The following GPR161 variants were observed in gnomAD, a reference collection of about 807,000 sequenced individuals.
GPR161 encodes the protein G protein-coupled receptor 161.
GPR161 carries 25 observed loss-of-function variants against 39.2 expected under a neutral mutation model. That is an observed-to-expected ratio of 0.64 (90% CI 0.47 to 0.89). The LOEUF is 0.89. Ranked by LOEUF, GPR161 falls within the 40% of genes least tolerant of loss-of-function variation. The pLI, the probability that GPR161 is intolerant of heterozygous loss-of-function variation, is 0.00. For synonymous variants in GPR161, 286 were observed against 276.6 expected, an observed-to-expected ratio of 1.03 and a Z score of -0.34; for missense variants, 547 against 677.8, an observed-to-expected ratio of 0.81 and a Z score of 2.14.
chr1:168,117,856 G>A (rs1189773997), intron 1 of GPR161, among the ~76,000 whole-genome samples: 3 of 152,104 alleles, frequency 2.0e-5, no homozygotes, highest in African/African-American at 7.2e-5. Flanking sequence ...CAGCTGTGCC[G>A]CACTCTCCCA....
intron 1 of GPR161, among the ~76,000 whole-genome samples, chr1:168,124,719 G>C (rs896692341): frequency 6.6e-5 from 10 of 152,212 alleles, no homozygotes; most frequent in African/African-American, 2.4e-4. Context: ...GTTGAAATGT[G>C]ATCTCCAGTG....
intron 3 of GPR161, among the ~76,000 whole-genome samples, chr1:168,096,133 CAAAAAAA>C (rs58096092): frequency 2.9e-4 from 13 of 44,776 alleles, no homozygotes; most frequent in South Asian, 1.5e-3. Context: ...GACCCTGTCT[CAAAAAAA>C]AAAAAAAAAA....
upstream of GPR161, chr1:168,137,232 C>G: frequency 6.8e-7 from 1 of 1,472,552 alleles, no homozygotes; most frequent in Non-Finnish European, 9.0e-7. Flanking sequence ...TCCCTGTTCC[C>G]GTTCCTCCGC....
chr1:168,120,862 C>T (rs753865985), intron 1 of GPR161, among the ~76,000 whole-genome samples: 3 of 152,086 alleles, frequency 2.0e-5, no homozygotes, highest in African/African-American at 4.8e-5. Context: ...AGGACTCCCC[C>T]GCATGCAGAA....
chr1:168,134,891 A>C, intron 1 of GPR161: 1 of 1,534,722 alleles, frequency 6.5e-7, no homozygotes, highest in Non-Finnish European at 8.7e-7. Context: ...TGGAGTTTAC[A>C]CCACAGAACT....
intron 1 of GPR161, among the ~76,000 whole-genome samples, chr1:168,129,256 AG>A (rs766422696): frequency 1.0e-3 from 158 of 152,380 alleles, no homozygotes; most frequent in Non-Finnish European, 1.2e-3. Flanking sequence ...AGGCCAGAGA[AG>A]AGCCCTTGCA....
At chr1:168,101,879 T>TCC (rs747929508) in intron 2 of GPR161, among the ~76,000 whole-genome samples, 2 of 151,438 alleles carry the variant, frequency 1.3e-5, no homozygotes, top group East Asian at 3.9e-4. Flanking sequence ...TGATCTCGGC[T>TCC]CACTGCAACC....
Position 168,132,222 on chromosome 1 carries a change from G to T in GPR161, c.-45+4517C>A, listed in dbSNP as rs1335829552. Among the ~76,000 whole-genome samples, 13 of 152,112 alleles carry T rather than the reference G, an allele frequency of 8.5e-5. No individual in the cohort carries two copies. In the East Asian group the frequency reaches 2.5e-3, roughly 29 times the overall value. ...GGATGTTGCAGTGAGCCGAGATCAT[G>T]CCACTGCACTCCAGCCTGGGCGACA... On this transcript the variant is annotated intron_variant, in intron 1 of 5. Coordinates refer to ENST00000682931, the MANE Select transcript of GPR161 (RefSeq NM_001375883.1).
intron 3 of GPR161, 31 bp downstream of exon 3, chr1:168,096,477 G>A (rs374981198): frequency 4.6e-5 from 73 of 1,594,950 alleles, no homozygotes; most frequent in East Asian, 1.8e-4. Flanking sequence ...CATCTGCCTC[G>A]GAGGGGCTAT....
rs752046873 is a variant in GPR161 at position 168,104,482 on chromosome 1, G to C, written c.369C>G (p.Ile123Met). The C allele has an allele frequency of 1.9e-6, 3 of 1,611,510 alleles. No homozygotes were observed. Among genetic ancestry groups the C allele is most frequent in the African/African-American group, 2.7e-5 (2 of 74,844 alleles). The change falls in exon 2 of 6, where the codon ATC becomes ATG. Residue 123 changes from isoleucine (I) to methionine (M), a missense_variant. Transcript: ENST00000682931. ...TAAGTCTGAGGCATGCTTACCGGTCGATGGCAATGACCCCGAGGGTTAGCA... is the reference window on the plus strand; with the variant it reads ...TAAGTCTGAGGCATGCTTACCGGTCCATGGCAATGACCCCGAGGGTTAGCA... ...ASMLTLGVIA[I>M]DRYYAVLYPM...
intron 4 of GPR161, 65 bp from the exon 5 acceptor site, chr1:168,087,769 C>G: frequency 6.7e-7 from 1 of 1,489,950 alleles, no homozygotes; most frequent in Non-Finnish European, 9.1e-7. Context: ...CTCTTCTCCC[C>G]TCTCAACACC....
Position 168,085,656 on chromosome 1 carries a change from C to A in GPR161, c.1465G>T (p.Val489Phe). The A allele has an allele frequency of 1.9e-6, 3 of 1,614,226 alleles. No homozygotes were observed. The highest frequency in any genetic ancestry group is 2.5e-6 in the Non-Finnish European group (3 of 1,180,046). The change falls in exon 6 of 6, where the codon GTT becomes TTT. Residue 489 changes from valine to phenylalanine, a missense_variant. Val to Phe is a conservative substitution (Grantham distance 50). Coordinates refer to ENST00000682931, the MANE Select transcript of GPR161 (RefSeq NM_001375883.1). The stretch of plus-strand genomic sequence containing the variant: ...CCCCCCGGGACAGTCCGTGCTGTAA[C>A]CAAGACCCCTGGCAAAGCCTCCTCC... ...FGEEALPGVL[V>F]TARTVPGGGF...
chr1:168,092,863 A>G (rs1158299842), intron 3 of GPR161, among the ~76,000 whole-genome samples: 2 of 152,090 alleles, frequency 1.3e-5, no homozygotes, highest in African/African-American at 4.8e-5. Flanking sequence ...TTCGCAGGAG[A>G]TAACGGGAAA....
intron 3 of GPR161, among the ~76,000 whole-genome samples, chr1:168,093,347 T>C (rs758626815): frequency 4.6e-5 from 7 of 152,090 alleles, no homozygotes; most frequent in Non-Finnish European, 1.0e-4. Flanking sequence ...CTTCCTCACT[T>C]TGGGACAAAC....
rs535118742 is a variant in GPR161 at position 168,092,829 on chromosome 1, C to G, written c.1100-2161G>C. Among the ~76,000 whole-genome samples, 4 of 152,304 alleles carry G rather than the reference C, an allele frequency of 2.6e-5. No individual in the cohort carries two copies. The South Asian group carries it at 8.3e-4, about 32-fold the overall frequency. On this transcript the variant is annotated intron_variant, in intron 3 of 5. Transcript: ENST00000682931. The stretch of plus-strand genomic sequence containing the variant: ...AGAACCTGGAGCGAGGTGTTTTCCC[C>G]TGGACAAACGTGAGTCAGTGTCCTT...
At chr1:168,110,564 A>G (rs1697063988) in intron 1 of GPR161, among the ~76,000 whole-genome samples, 1 of 116,762 alleles carries the variant, frequency 8.6e-6, no homozygotes, top group Non-Finnish European at 1.7e-5. Flanking sequence ...AAAGAAAAGA[A>G]AAGAAAAGAA....
rs113090044 is a variant in GPR161, at chr1:168,110,509, GAAAA to G, written c.-44-5619_-44-5616del. ...GTGAGACCCTGTCAACATTAAAAAA[GAAAA>G]AAAAAAAAACGAAAGAAAGGAAAGG... On this transcript the variant is annotated intron_variant, in intron 1 of 5. Coordinates refer to ENST00000682931, the MANE Select transcript of GPR161 (RefSeq NM_001375883.1). Among the ~76,000 whole-genome samples, 5 of 25,878 alleles carry G rather than the reference GAAAA, an allele frequency of 1.9e-4. 1 individual carries two copies. Among genetic ancestry groups the G allele is most frequent in the African/African-American group, 7.1e-4 (5 of 7,016 alleles). The allele number at this position is 25,878 out of a possible 152,430, so 17.0% of individuals were successfully genotyped here.
Position 168,092,283 on chromosome 1 carries a change from A to G in GPR161, c.1100-1615T>C, listed in dbSNP as rs541724206. On this transcript the variant is annotated intron_variant, in intron 3 of 5. Transcript: ENST00000682931. Reference sequence around the variant, plus strand: ...AGAGCCTGTGGGGGCATCTCCTGCCAGCTGGGATGGCTGAAGCCGCAGTGG... The same window carrying G: ...AGAGCCTGTGGGGGCATCTCCTGCCGGCTGGGATGGCTGAAGCCGCAGTGG... Among the ~76,000 whole-genome samples the G allele has an allele frequency of 4.6e-5, 7 of 152,314 alleles. No individual in the cohort carries two copies. The South Asian group carries it at 1.4e-3, about 32-fold the overall frequency.
chr1:168,107,603 G>C (rs1393307374), intron 1 of GPR161, among the ~76,000 whole-genome samples: 1 of 152,160 alleles, frequency 6.6e-6, no homozygotes, highest in Admixed American at 6.5e-5. Flanking sequence ...ATCACTGTAA[G>C]AAATAAATTC....
Sources: allele counts gnomAD v4.1 joint callset (sites outside exome capture counted in the v4.1 genomes callset), GRCh38; gene constraint gnomAD v4.1.1; transcripts MANE v1.5; gene names NCBI Gene and HGNC (gene_info 2026-07-23, HGNC 2026-07-21).